CNTN5: variants seen among roughly 807,000 people sequenced by gnomAD.
CNTN5 encodes contactin-5.
CNTN5 carries 77 observed loss-of-function variants against 129.1 expected under a neutral mutation model. The observed-to-expected ratio is 0.60, with a 90% CI of 0.50 to 0.72. The LOEUF is 0.72. Ranked by LOEUF, CNTN5 falls within the 30% of genes least tolerant of loss-of-function variation. The probability of loss-of-function intolerance (pLI) is 0.00; values close to 1 mark genes in which losing one functional copy is unlikely to be tolerated. For missense variants in CNTN5, 1,478 were observed against 1,328.8 expected (o/e 1.11, Z -1.75); for synonymous variants, 509 against 465.6 (o/e 1.09, Z -1.20).
intron 24 of CNTN5, among the ~76,000 whole-genome samples, chr11:100,355,856 A>G (rs781037544): frequency 3.3e-5 from 5 of 151,782 alleles, no homozygotes; most frequent in Non-Finnish European, 7.4e-5. Context: ...TACTTTCATC[A>G]TTGGTGAAAA....
intron 1 of CNTN5, among the ~76,000 whole-genome samples, chr11:99,230,104 C>T (rs564927387): frequency 1.3e-5 from 2 of 152,072 alleles, no homozygotes; most frequent in African/African-American, 2.4e-5. Context: ...AATGATTCTT[C>T]TATTGTTAAA....
intron 3 of CNTN5, among the ~76,000 whole-genome samples, chr11:99,678,312 A>G (rs979448279): frequency 2.0e-5 from 3 of 151,930 alleles, no homozygotes; most frequent in African/African-American, 7.3e-5. Flanking sequence ...TAGGCAAAAA[A>G]TGTTACAAAG....
At chr11:100,225,042 T>G in intron 16 of CNTN5, 1 of 338,986 alleles carries the variant, frequency 2.9e-6, no homozygotes. Context: ...ACACCTTTAG[T>G]AGTAAGTTGT....
chr11:99,777,426 T>A (rs1452681337), intron 3 of CNTN5, among the ~76,000 whole-genome samples: 1 of 151,880 alleles, frequency 6.6e-6, no homozygotes, highest in Non-Finnish European at 1.5e-5. Context: ...ATCACGAATG[T>A]ATAAATGCAA....
intron 9 of CNTN5, among the ~76,000 whole-genome samples, chr11:100,056,253 T>C (rs1460430073): frequency 1.3e-5 from 2 of 151,746 alleles, no homozygotes; most frequent in Non-Finnish European, 3.0e-5. Context: ...GTTCTGTATT[T>C]TGTGATTCTG....
At chr11:99,855,012 C>T (rs1947989696) in intron 6 of CNTN5, among the ~76,000 whole-genome samples, 1 of 152,072 alleles carries the variant, frequency 6.6e-6, no homozygotes, top group African/African-American at 2.4e-5. Context: ...AAGTAACTCT[C>T]AAAAAAGACC....
intron 3 of CNTN5, among the ~76,000 whole-genome samples, chr11:99,689,157 T>C (rs1284891075): frequency 6.6e-6 from 1 of 152,140 alleles, no homozygotes; most frequent in Non-Finnish European, 1.5e-5. Flanking sequence ...GTATTTCTGC[T>C]TCTAGGTTTC....
chr11:99,887,275 T>C (rs1446936369), intron 6 of CNTN5, among the ~76,000 whole-genome samples: 1 of 152,202 alleles, frequency 6.6e-6, no homozygotes, highest in African/African-American at 2.4e-5. Flanking sequence ...TAATGAGACC[T>C]GAGGGAGAAT....
intron 13 of CNTN5, among the ~76,000 whole-genome samples, chr11:100,182,764 G>T (rs372699943): frequency 6.6e-6 from 1 of 151,788 alleles, no homozygotes; most frequent in Non-Finnish European, 1.5e-5. Context: ...TAAAACAAAA[G>T]CACAATGCAT....
chr11:99,462,241 T>C (rs1369349819), intron 2 of CNTN5, among the ~76,000 whole-genome samples: 1 of 152,072 alleles, frequency 6.6e-6, no homozygotes. Context: ...GGGGAATTGA[T>C]AAAAGTTTGT....
At chr11:99,711,494 T>TA (rs1954986755) in intron 3 of CNTN5, among the ~76,000 whole-genome samples, 1 of 151,962 alleles carries the variant, frequency 6.6e-6, no homozygotes, top group South Asian at 2.1e-4. Context: ...CAGTTTTTTT[T>TA]ATTATACTTT....
At chr11:99,855,218 A>G (rs1401861432) in intron 6 of CNTN5, among the ~76,000 whole-genome samples, 2 of 152,042 alleles carry the variant, frequency 1.3e-5, no homozygotes, top group Non-Finnish European at 2.9e-5. Flanking sequence ...CTAAGGTGGG[A>G]TGATCTGTTG....
chr11:100,168,963 G>A (rs551575487), intron 13 of CNTN5, among the ~76,000 whole-genome samples: 2 of 152,074 alleles, frequency 1.3e-5, no homozygotes, highest in South Asian at 2.1e-4. Flanking sequence ...CAAGACTTCA[G>A]TAGAGGAAGT....
intron 6 of CNTN5, among the ~76,000 whole-genome samples, chr11:99,859,638 T>G (rs555104525): frequency 6.6e-6 from 1 of 152,220 alleles, no homozygotes; most frequent in African/African-American, 2.4e-5. Flanking sequence ...TTGCTTAGGA[T>G]AATGGCCTCC....
intron 1 of CNTN5, among the ~76,000 whole-genome samples, chr11:99,174,644 C>G (rs977872201): frequency 6.6e-6 from 1 of 152,020 alleles, no homozygotes; most frequent in African/African-American, 2.4e-5. Flanking sequence ...AATTGAAAGT[C>G]CATTTGATAT....
At chr11:100,160,640 G>C (rs1336281145) in intron 13 of CNTN5, among the ~76,000 whole-genome samples, 3 of 151,870 alleles carry the variant, frequency 2.0e-5, no homozygotes, top group African/African-American at 7.3e-5. Context: ...AATCACAAAA[G>C]AGTTACTTTG....
chr11:99,808,007 C>T (rs899059031), intron 3 of CNTN5, among the ~76,000 whole-genome samples: 5 of 152,078 alleles, frequency 3.3e-5, no homozygotes, highest in African/African-American at 7.2e-5. Context: ...CCTTCTGTGA[C>T]CCTGAAGGCA....
intron 3 of CNTN5, among the ~76,000 whole-genome samples, chr11:99,786,991 A>T (rs2439604): frequency 6.6e-6 from 1 of 152,186 alleles, no homozygotes; most frequent in Non-Finnish European, 1.5e-5. Context: ...TAGATGTAAC[A>T]AAATGAGTTT....
At position 100,255,879 on chromosome 11, in the gene CNTN5, C is replaced by G; in HGVS notation, c.2125C>G (p.Arg709Gly). ...SPISSYNLQA[R>G]SPFSLGWQTV... ...AATCTCCTCCTACAACCTTCAAGCT[C>G]GCAGCCCATTTTCCCTGGGCTGGCA... Residue 709 changes from arginine to glycine, a missense_variant, in exon 17 of 25, where the codon CGC becomes GGC. Arg to Gly is a moderately radical substitution (Grantham distance 125). Coordinates refer to ENST00000524871, the MANE Select transcript of CNTN5 (RefSeq NM_014361.4). 6.2e-7 allele frequency: 1 copy of G among 1,613,866 alleles called. No homozygotes were observed. Among genetic ancestry groups the G allele is most frequent in the Non-Finnish European group, 8.5e-7 (1 of 1,179,852 alleles).
Sources: allele counts gnomAD v4.1 joint callset (sites outside exome capture counted in the v4.1 genomes callset), GRCh38; gene constraint gnomAD v4.1.1; transcripts MANE v1.5; gene names NCBI Gene and HGNC (gene_info 2026-07-23, HGNC 2026-07-21).